Variants in PLEC observed in about 807,000 individuals in gnomAD.
PLEC encodes hemidesmosomal protein 1.
In PLEC, 216 loss-of-function variants were observed where a neutral mutation model predicts 392.8. The ratio of observed to expected loss-of-function variants is 0.55; its 90% confidence interval spans 0.49 to 0.62. The LOEUF (loss-of-function observed/expected upper bound fraction) is 0.62, where lower values mean the gene tolerates loss of function less well. Among genes scored for constraint, PLEC ranks in the 20% least tolerant of loss-of-function variants. The pLI, the probability that PLEC is intolerant of heterozygous loss-of-function variation, is 0.00. For missense variants in PLEC, 6,863 were observed against 6,563.4 expected (o/e 1.05, Z -1.58); for synonymous variants, 3,621 against 2,980.6 (o/e 1.21, Z -7.00).
At position 143,924,650 on chromosome 8, in the gene PLEC, A is replaced by G; in HGVS notation, c.5279T>C (p.Val1760Ala). ...CAGCAGCACCTCCATCTCGGCCCGC[A>G]CCTTGGCCAGCTCGGCTTCCAGCTC... ...RQELEAELAK[V>A]RAEMEVLLAS... The change falls in exon 31 of 32, where the codon GTG (valine) becomes GCG (alanine). Residue 1760 changes from valine (V) to alanine (A), a missense_variant. By Grantham distance (64) the Val-to-Ala change is moderately conservative (BLOSUM62 0). Transcript: ENST00000345136. 2.6e-6 allele frequency: 4 copies of G among 1,536,114 alleles called. No individual in the cohort carries two copies. Among genetic ancestry groups the G allele is most frequent in the Non-Finnish European group, 3.5e-6 (4 of 1,147,400 alleles).
Position 143,921,027 on chromosome 8 carries a change from A to G in PLEC, c.8794T>C (p.Tyr2932His), listed in dbSNP as rs1368258122. Reference sequence around the variant, plus strand: ...TCCCGCCGCTGCTCTGCCGTGAAGTATTCCGAGTTGATGATCTCCCAAATG... The same window carrying G: ...TCCCGCCGCTGCTCTGCCGTGAAGTGTTCCGAGTTGATGATCTCCCAAATG... Reference protein sequence around the residue: ...VTIWEIINSEYFTAEQRRDLL... With the variant: ...VTIWEIINSEHFTAEQRRDLL... Residue 2932 changes from tyrosine (Y) to histidine (H), a missense_variant, in exon 32 of 32, where the codon TAC becomes CAC. Transcript: ENST00000345136. 1 of 1,612,948 alleles carries G rather than the reference A, an allele frequency of 6.2e-7. No individual in the cohort carries two copies. Among genetic ancestry groups the G allele is most frequent in the Non-Finnish European group, 8.5e-7 (1 of 1,180,042 alleles).
upstream of PLEC, chr8:143,943,748 C>G (rs1830934931): frequency 6.2e-7 from 1 of 1,601,926 alleles, no homozygotes; most frequent in Non-Finnish European, 8.5e-7. Context: ...TGCCCCGCCT[C>G]GAGTCCCTGG....
rs1461833315 is a variant in PLEC, at chr8:143,929,056, AC to A, written c.3260+46del. 9 of 1,514,370 alleles carry A rather than the reference AC, an allele frequency of 5.9e-6. No homozygotes were observed. The East Asian group carries it at 7.3e-5, about 12-fold the overall frequency. The allele number at this position is 1,514,370 out of a possible 1,614,324, so 93.8% of individuals were successfully genotyped here. A position where few individuals can be genotyped will look rare whatever the true frequency, so the allele number is the denominator to read the frequency against. On this transcript the variant is annotated intron_variant, in intron 25 of 31. Transcript: ENST00000345136. ...GCAAGGTCACAGCCCTCACCCCAGC[AC>A]CCCCCAGCCGACCCCAGCCCCTCGC...
At position 143,921,774 on chromosome 8, in the gene PLEC, C is replaced by A; in HGVS notation, c.8047G>T (p.Ala2683Ser). ...TAGTGGCGCACGTCTTCCCGCCGTGCGAGCTCGTCCACCGTGGTGTGGCCC... is the reference window on the plus strand; with the variant it reads ...TAGTGGCGCACGTCTTCCCGCCGTGAGAGCTCGTCCACCGTGGTGTGGCCC... ...AQGHTTVDEL[A>S]RREDVRHYLQ... The change falls in exon 32 of 32, where the codon GCA (alanine) becomes TCA (serine). Residue 2683 changes from alanine to serine, a missense_variant. Coordinates refer to ENST00000345136, the MANE Select transcript of PLEC (RefSeq NM_201384.3). 6.2e-7 allele frequency: 1 copy of A among 1,611,622 alleles called. No individual in the cohort carries two copies. The highest frequency in any genetic ancestry group is 2.2e-5 in the East Asian group (1 of 44,874).
At chr8:143,937,763 T>C in intron 3 of PLEC, 1 of 501,960 alleles carries the variant, frequency 2.0e-6, no homozygotes, top group Non-Finnish European at 3.9e-6. Context: ...CGTGAGCTCC[T>C]GCTTACGTCC....
intron 30 of PLEC, 96 bp from the exon 31 acceptor site, chr8:143,925,980 G>T: frequency 1.5e-6 from 2 of 1,327,190 alleles, no homozygotes; most frequent in Non-Finnish European, 2.1e-6. Context: ...CTCAGACAGC[G>T]CGGAGCAGGG....
Position 143,915,633 on chromosome 8 carries a change from G to C in PLEC, c.*544C>G, listed in dbSNP as rs566667242. 6.5e-6 allele frequency: 1 copy of C among 152,758 alleles called. No individual in the cohort carries two copies. The highest frequency in any genetic ancestry group is 1.9e-4 in the East Asian group (1 of 5,192). The allele number at this position is 152,758 out of a possible 1,614,324, so 9.5% of individuals were successfully genotyped here. The stretch of plus-strand genomic sequence containing the variant: ...CGGAGGCCAGGGGTCTCAGGAGTGA[G>C]TGTGGGGGGTGAGCTGGAAAGCACA... On this transcript the variant is annotated 3_prime_UTR_variant, in exon 32 of 32. Transcript: ENST00000345136.
upstream of PLEC, among the ~76,000 whole-genome samples, chr8:143,976,288 G>A (rs1243348735): frequency 3.3e-5 from 5 of 152,184 alleles, no homozygotes; most frequent in Admixed American, 2.0e-4. Context: ...CGTGCGGGAG[G>A]TGAATGGGGC....
chr8:143,918,821 C>A lies in PLEC; in HGVS notation c.11000G>T (p.Arg3667Leu), dbSNP rs369798520. The change falls in exon 32 of 32, where the codon CGG (arginine) becomes CTG (leucine). Residue 3667 changes from arginine to leucine, a missense_variant. Physicochemically the swap from Arg to Leu is moderately radical, Grantham distance 102. Coordinates refer to ENST00000345136, the MANE Select transcript of PLEC (RefSeq NM_201384.3). ...CTCACGGAGGCTCCTGGTGCCCTCC[C>A]GGAGCAGGTTGTAGGTCTCGAGAGA... Reference protein sequence around the residue: ...IISLETYNLLREGTRSLREAL... With the variant: ...IISLETYNLLLEGTRSLREAL... 90 of 1,613,172 alleles carry A rather than the reference C, an allele frequency of 5.6e-5. No individual in the cohort carries two copies. The African/African-American group carries it at 1.2e-3, about 21-fold the overall frequency.
Position 143,927,300 on chromosome 8 carries a change from C to T in PLEC, c.3792G>A (p.Lys1264=), listed in dbSNP as rs782067834. The change falls in exon 28 of 32, where the codon AAG becomes AAA. Residue 1264 remains lysine, a synonymous_variant. Coordinates refer to ENST00000345136, the MANE Select transcript of PLEC (RefSeq NM_201384.3). Reference sequence around the variant, plus strand: ...TCGCAAACCTCTGGCACTCCTCGACCTTCTCGCCGTGGCGCTCGATCTCCT... The same window carrying T: ...TCGCAAACCTCTGGCACTCCTCGACTTTCTCGCCGTGGCGCTCGATCTCCT... The part of the protein sequence containing the change: ...LLEEIERHGE[K]VEECQRFAKQ... 1.4e-5 allele frequency: 22 copies of T among 1,613,312 alleles called. No homozygotes were observed. Among genetic ancestry groups the T allele is most frequent in the Non-Finnish European group, 1.0e-5 (12 of 1,179,978 alleles).
Position 143,929,871 on chromosome 8 carries a change from G to A in PLEC, c.2740-42C>T, listed in dbSNP as rs782557646. 1.8e-5 allele frequency: 29 copies of A among 1,600,698 alleles called. No individual in the cohort carries two copies. In the East Asian group the frequency reaches 2.2e-4, roughly 12 times the overall value. On this transcript the variant is annotated intron_variant, in intron 22 of 31. Transcript: ENST00000345136. Reference sequence around the variant, plus strand: ...GGGCTGAGTGCCGGGCGAGGCGGCCGTGCCCTGCACAACGCCTCTCCCCTC... The same window carrying A: ...GGGCTGAGTGCCGGGCGAGGCGGCCATGCCCTGCACAACGCCTCTCCCCTC...
chr8:143,926,037 C>T lies in PLEC; in HGVS notation c.4045-153G>A, dbSNP rs563485536. On this transcript the variant is annotated intron_variant, in intron 30 of 31. Coordinates refer to ENST00000345136, the MANE Select transcript of PLEC (RefSeq NM_201384.3). Reference sequence around the variant, plus strand: ...AGCCCGGCGGAGGAGACAGCGTGCACCCGCCCAGGGCGCTCGGGCAGCGAT... The same window carrying T: ...AGCCCGGCGGAGGAGACAGCGTGCATCCGCCCAGGGCGCTCGGGCAGCGAT... Among the ~76,000 whole-genome samples the T allele has an allele frequency of 2.6e-5, 4 of 152,370 alleles. No homozygotes were observed. In the South Asian group the frequency reaches 8.3e-4, roughly 32 times the overall value.
upstream of PLEC, chr8:143,975,224 T>TTGCTCCCAGCGCCACCCCCGC (rs782752866): frequency 2.5e-6 from 4 of 1,605,174 alleles, no homozygotes; most frequent in Non-Finnish European, 3.4e-6. The surrounding 1 kb of genome is among the most constrained non-coding windows in gnomAD (Gnocchi z 9.9). Flanking sequence ...GACACTCCCG[T>TTGCTCCCAGCGCCACCCCCGC]TGCTCCCAGC....
chr8:143,918,397 G>A lies in PLEC; in HGVS notation c.11424C>T (p.Gly3808=), dbSNP rs539986185. 7 of 1,565,546 alleles carry A rather than the reference G, an allele frequency of 4.5e-6. No individual in the cohort carries two copies. Among genetic ancestry groups the A allele is most frequent in the Admixed American group, 1.9e-5 (1 of 53,778 alleles). The change falls in exon 32 of 32, where the codon GGC becomes GGT. Residue 3808 remains glycine, a synonymous_variant. Coordinates refer to ENST00000345136, the MANE Select transcript of PLEC (RefSeq NM_201384.3). ...GGAAGCCCAGGCGGGGGTCCACGATGCCGCCGGTGGCCAGCTGGGCATCCA... is the reference window on the plus strand; with the variant it reads ...GGAAGCCCAGGCGGGGGTCCACGATACCGCCGGTGGCCAGCTGGGCATCCA... The part of the protein sequence containing the change: ...RLLDAQLATG[G]IVDPRLGFHL...
chr8:143,942,951 G>A (rs548051452), upstream of PLEC, among the ~76,000 whole-genome samples: 3 of 152,186 alleles, frequency 2.0e-5, no homozygotes, highest in Admixed American at 6.5e-5. Flanking sequence ...GACCGTGGCC[G>A]AAGGGGGCAA....
chr8:143,916,777 G>A lies in PLEC; in HGVS notation c.13044C>T (p.Arg4348=), dbSNP rs1413390454. The A allele has an allele frequency of 5.8e-5, 93 of 1,613,210 alleles. No homozygotes were observed. The highest frequency in any genetic ancestry group is 7.5e-5 in the Non-Finnish European group (88 of 1,179,976). ...KGLVDKIMVD[R]INLAQKAFCG... is the part of the protein sequence containing the mutation. ...AGAAGGCCTTCTGGGCCAGGTTGATGCGGTCCACCATGATCTTGTCCACCA... is the reference window on the plus strand; with the variant it reads ...AGAAGGCCTTCTGGGCCAGGTTGATACGGTCCACCATGATCTTGTCCACCA... Residue 4348 remains arginine, a synonymous_variant, in exon 32 of 32, where the codon CGC becomes CGT. Transcript: ENST00000345136.
rs1554706407 is a variant in PLEC at position 143,927,024 on chromosome 8, C to T, written c.3898G>A (p.Ala1300Thr). The T allele has an allele frequency of 6.2e-7, 1 of 1,612,846 alleles. No homozygotes were observed. ...CCCGACTGGACCTTGGGCTTCTTGG[C>T]CGGGGAGGCCACCGGCTCAAGCTGC... Reference protein sequence around the residue: ...KAQLEPVASPAKKPKVQSGSE... With the variant: ...KAQLEPVASPTKKPKVQSGSE... Residue 1300 changes from alanine (A) to threonine (T), a missense_variant, in exon 29 of 32, where the codon GCC (alanine) becomes ACC (threonine). By Grantham distance (58) the Ala-to-Thr change is moderately conservative. Transcript: ENST00000345136.
intron 30 of PLEC, 45 bp downstream of exon 30, chr8:143,926,739 G>T: frequency 6.8e-7 from 1 of 1,474,258 alleles, no homozygotes; most frequent in South Asian, 1.1e-5. Flanking sequence ...CACAACAGGT[G>T]GTGAGATGGA....
chr8:143,933,873 C>CGCCCCT (rs1263024846), intron 12 of PLEC, 125 bp downstream of exon 12: 183 of 783,638 alleles, frequency 2.3e-4, no homozygotes, highest in Middle Eastern at 3.6e-4. Flanking sequence ...CCACATGCCC[C>CGCCCCT]GCCCCTGCCC....
Sources: allele counts gnomAD v4.1 joint callset (sites outside exome capture counted in the v4.1 genomes callset), GRCh38; gene constraint gnomAD v4.1.1; non-coding constraint Gnocchi (gnomAD v3.1); transcripts MANE v1.5; gene names NCBI Gene and HGNC (gene_info 2026-07-23, HGNC 2026-07-21).